PIEZO1: variants seen among roughly 807,000 people sequenced by gnomAD.
PIEZO1 encodes piezo type mechanosensitive ion channel component 1 (Er blood group).
A neutral mutation model predicts 297.2 loss-of-function variants in PIEZO1; 296 were observed. The ratio of observed to expected loss-of-function variants is 1.00; its 90% confidence interval spans 0.91 to 1.10. The LOEUF is 1.10. Among genes scored for constraint, PIEZO1 ranks in the 50% least tolerant of loss-of-function variants. PIEZO1 has a pLI of 0.00. For synonymous variants in PIEZO1, 2,427 were observed against 1,507.5 expected (o/e 1.61, Z -14.13); for missense variants, 5,018 against 3,455.5 (o/e 1.45, Z -11.34).
Position 88,720,644 on chromosome 16 carries a change from G to C in PIEZO1, c.5773C>G (p.Arg1925Gly). ...GACAGGCAGAAGCCCTGCAGCCGCC[G>C]CCCGGCCGCCCTTACTCTTCCTCCA... ...RSGGRVRAAG[R>G]RLQGFCLSLA... Residue 1925 changes from arginine (R) to glycine (G), a missense_variant, in exon 40 of 51, where the codon CGG becomes GGG. Transcript: ENST00000301015. The C allele has an allele frequency of 6.5e-7, 1 of 1,536,080 alleles. No individual in the cohort carries two copies. Among genetic ancestry groups the C allele is most frequent in the Non-Finnish European group, 8.8e-7 (1 of 1,140,620 alleles).
rs58273686 is a variant in PIEZO1, at chr16:88,733,266, G to A, written c.2664+12C>T. On this transcript the variant is annotated intron_variant, in intron 19 of 50. Transcript: ENST00000301015. Reference sequence around the variant, plus strand: ...GGAGCTTCCTCCCGTCCCAGCCCTCGGGGGCCGGTACCTCGGTGCAGTTGC... The same window carrying A: ...GGAGCTTCCTCCCGTCCCAGCCCTCAGGGGCCGGTACCTCGGTGCAGTTGC... The A allele has an allele frequency of 7.5e-5, 115 of 1,534,316 alleles. No homozygotes were observed. The Middle Eastern group carries it at 1.0e-3, about 14-fold the overall frequency.
In PIEZO1 at chr16:88,721,852, T is replaced by G; in HGVS notation, c.5170A>C (p.Arg1724=). 1 of 1,549,450 alleles carries G rather than the reference T, an allele frequency of 6.5e-7. No individual in the cohort carries two copies. The highest frequency in any genetic ancestry group is 8.7e-7 in the Non-Finnish European group (1 of 1,146,700). ...GTCATCCAGAAGCGCTTGCTGGGCC[T>G]CGGGATCGACAGCATGGCCCACAGG... ...VFLWAMLSIP[R]PSKRFWMTAI... Residue 1724 remains arginine, a synonymous_variant, in exon 37 of 51, where the codon AGG becomes CGG. Coordinates refer to ENST00000301015, the MANE Select transcript of PIEZO1 (RefSeq NM_001142864.4).
At chr16:88,751,223 G>A (rs770464561) in intron 1 of PIEZO1, among the ~76,000 whole-genome samples, 1 of 152,170 alleles carries the variant, frequency 6.6e-6, no homozygotes, top group Non-Finnish European at 1.5e-5. Context: ...TAGAGGAGGC[G>A]CAGGGCAGAG....
chr16:88,735,155 T>TCC lies in PIEZO1; in HGVS notation c.1647_1648dup (p.Glu550GlyfsTer24), dbSNP rs1567673227. The TCC allele has an allele frequency of 6.5e-7, 1 of 1,550,218 alleles. No homozygotes were observed. Among genetic ancestry groups the TCC allele is most frequent in the Admixed American group, 2.0e-5 (1 of 51,010 alleles). ...CTCACCTGTGTCTGCCACGGTGACCTCCGTCAGCGCAGCTGGAGACTCTGC... is the reference window on the plus strand; with the variant it reads ...CTCACCTGTGTCTGCCACGGTGACCTCCCCGTCAGCGCAGCTGGAGACTCTGC... On this transcript the variant is annotated frameshift_variant, in exon 13 of 51. Transcript: ENST00000301015. LOFTEE classifies it high-confidence loss of function.
intron 1 of PIEZO1, among the ~76,000 whole-genome samples, chr16:88,764,431 G>C (rs1041141993): frequency 6.6e-6 from 1 of 152,138 alleles, no homozygotes; most frequent in Non-Finnish European, 1.5e-5. Flanking sequence ...ACATGAACGT[G>C]CTCTCCAGGC....
In PIEZO1 at chr16:88,726,702, G is replaced by C. The variant is rs1392377437; in HGVS notation, c.3699+13C>G. On this transcript the variant is annotated intron_variant, in intron 25 of 50. Coordinates refer to ENST00000301015, the MANE Select transcript of PIEZO1 (RefSeq NM_001142864.4). ...GCCCCAGGGCGGTGGGTGCGGGGGG[G>C]CCGGAGGCTCACCGACAGCATGTTC... is the stretch of plus-strand genomic sequence containing the variant. 2 of 1,403,614 alleles carry C rather than the reference G, an allele frequency of 1.4e-6. No homozygotes were observed. The highest frequency in any genetic ancestry group is 1.2e-5 in the South Asian group (1 of 80,578). The allele number at this position is 1,403,614 out of a possible 1,614,324, so 86.9% of individuals were successfully genotyped here.
chr16:88,767,379 C>T (rs569304876), intron 1 of PIEZO1, among the ~76,000 whole-genome samples: 1 of 152,276 alleles, frequency 6.6e-6, no homozygotes, highest in South Asian at 2.1e-4. Flanking sequence ...CAGGCCCCCA[C>T]AGCCCAGAGC....
rs1345917506 is a variant in PIEZO1, at chr16:88,716,251, T to A, written c.7076A>T (p.Tyr2359Phe). The change falls in exon 49 of 51, where the codon TAC becomes TTC. Residue 2359 changes from tyrosine to phenylalanine, a missense_variant. Coordinates refer to ENST00000301015, the MANE Select transcript of PIEZO1 (RefSeq NM_001142864.4). ...TTCGGGCCCGTTGGGGGCACGGATGTACTTGGGGAAGAGATTAGGGATGAC... is the reference window on the plus strand; with the variant it reads ...TTCGGGCCCGTTGGGGGCACGGATGAACTTGGGGAAGAGATTAGGGATGAC... ...SVVIPNLFPK[Y>F]IRAPNGPEAN... is the part of the protein sequence containing the mutation. 2 of 1,494,378 alleles carry A rather than the reference T, an allele frequency of 1.3e-6. No individual in the cohort carries two copies. Among genetic ancestry groups the A allele is most frequent in the Non-Finnish European group, 9.0e-7 (1 of 1,116,690 alleles). The allele number at this position is 1,494,378 out of a possible 1,614,324, so 92.6% of individuals were successfully genotyped here.
In PIEZO1 at chr16:88,727,208, G is replaced by T; in HGVS notation, c.3302-16C>A. 6.6e-7 allele frequency: 1 copy of T among 1,523,374 alleles called. No individual in the cohort carries two copies. Among genetic ancestry groups the T allele is most frequent in the East Asian group, 2.5e-5 (1 of 40,456 alleles). The allele number at this position is 1,523,374 out of a possible 1,614,324, so 94.4% of individuals were successfully genotyped here. On this transcript the variant is annotated splice_polypyrimidine_tract_variant and intron_variant, in intron 23 of 50. Transcript: ENST00000301015. ...AGAAAGTCGCCTGCAGGACACAGGA[G>T]CCGCCGCTGTGCCACACGGGGACCC... is the stretch of plus-strand genomic sequence containing the variant.
chr16:88,716,480 G>C lies in PIEZO1; in HGVS notation c.6930C>G (p.Asp2310Glu). The C allele has an allele frequency of 6.5e-7, 1 of 1,546,326 alleles. No homozygotes were observed. The highest frequency in any genetic ancestry group is 8.7e-7 in the Non-Finnish European group (1 of 1,144,612). Residue 2310 changes from aspartate (D) to glutamate (E), a missense_variant, in exon 48 of 51, where the codon GAC becomes GAG. Transcript: ENST00000301015. ...ACTCCACAGTGCCTCCCTTCGCCAG[G>C]TCCCTGGGGGTGGGAACACAGCGTG... ...TLRFTWNFQR[D>E]LAKGGTVEYA...
At position 88,735,154 on chromosome 16, in the gene PIEZO1, C is replaced by T. The variant is rs981014895; in HGVS notation, c.1650G>A (p.Glu550=). The change falls in exon 13 of 51, where the codon GAG becomes GAA. Residue 550 remains glutamate, a synonymous_variant. Transcript: ENST00000301015. ...KWAESPAALT[E]VTVADTEPTR... ...ACTCACCTGTGTCTGCCACGGTGAC[C>T]TCCGTCAGCGCAGCTGGAGACTCTG... is the stretch of plus-strand genomic sequence containing the variant. 4 of 1,550,130 alleles carry T rather than the reference C, an allele frequency of 2.6e-6. No individual in the cohort carries two copies. The highest frequency in any genetic ancestry group is 2.0e-5 in the Admixed American group (1 of 50,996).
At chr16:88,745,724 G>A (rs1337757306) in intron 2 of PIEZO1, 1 of 148,030 alleles carries the variant, frequency 6.8e-6, no homozygotes, top group African/African-American at 2.5e-5. Flanking sequence ...ACTCCAGCCT[G>A]GGCAACAGAA....
intron 19 of PIEZO1, 141 bp from the exon 20 acceptor site, chr16:88,732,873 C>T: frequency 1.2e-6 from 1 of 829,542 alleles, no homozygotes; most frequent in South Asian, 1.8e-5. Context: ...CTTGGAGCCA[C>T]CTTCACGGGG....
Position 88,732,418 on chromosome 16 carries a change from C to T in PIEZO1, c.2908G>A (p.Gly970Ser), listed in dbSNP as rs964534644. ...TCCTGGTCCAGCTGCTGGCGGGTGC[C>T]GCTGGCAAACACGGCCTGGGCAGGC... ...PLPAQAVFAS[G>S]TRQQLDQDLL... Residue 970 changes from glycine (G) to serine (S), a missense_variant, in exon 21 of 51, where the codon GGC (glycine) becomes AGC (serine). Gly to Ser is a moderately conservative substitution (Grantham distance 56). Transcript: ENST00000301015. The T allele has an allele frequency of 1.7e-5, 27 of 1,549,758 alleles. No homozygotes were observed. Among genetic ancestry groups the T allele is most frequent in the Admixed American group, 7.8e-5 (4 of 50,990 alleles).
At position 88,734,414 on chromosome 16, in the gene PIEZO1, G is replaced by A; in HGVS notation, c.2122C>T (p.Leu708Phe). Residue 708 changes from leucine to phenylalanine, a missense_variant, in exon 16 of 51, where the codon CTC becomes TTC. Physicochemically the swap from Leu to Phe is conservative, Grantham distance 22. Transcript: ENST00000301015. ...LHYFHRPFMQ[L>F]TDMEHVSLPG... is the part of the protein sequence containing the mutation. ...AGGGACACGTGCTCCATGTCGGTGAGCTGCATGAAGGGCCTGTGGAAGTAG... is the reference window on the plus strand; with the variant it reads ...AGGGACACGTGCTCCATGTCGGTGAACTGCATGAAGGGCCTGTGGAAGTAG... The A allele has an allele frequency of 1.9e-6, 3 of 1,549,738 alleles. No homozygotes were observed. The highest frequency in any genetic ancestry group is 2.6e-6 in the Non-Finnish European group (3 of 1,146,594).
At chr16:88,749,867 A>C (rs944844645) in intron 1 of PIEZO1, among the ~76,000 whole-genome samples, 2 of 151,732 alleles carry the variant, frequency 1.3e-5, no homozygotes, top group African/African-American at 2.4e-5. Context: ...GTCTCCACCG[A>C]AAATACAAAA....
intron 22 of PIEZO1, among the ~76,000 whole-genome samples, chr16:88,730,014 G>T (rs918089118): frequency 1.3e-5 from 2 of 152,276 alleles, no homozygotes; most frequent in African/African-American, 4.8e-5. Context: ...AGAAGAAGGG[G>T]AGCTGGCCTA....
intron 1 of PIEZO1, among the ~76,000 whole-genome samples, chr16:88,777,247 C>T (rs556756211): frequency 2.6e-5 from 4 of 152,326 alleles, no homozygotes; most frequent in Non-Finnish European, 5.9e-5. Flanking sequence ...CTGGGATTAC[C>T]GGCGTGAGCC....
chr16:88,721,616 G>T lies in PIEZO1; in HGVS notation c.5325C>A (p.Gly1775=). The change falls in exon 38 of 51, where the codon GGC becomes GGA. Residue 1775 remains glycine, a synonymous_variant. Transcript: ENST00000301015. The part of the protein sequence containing the change: ...NKPYFPPRIL[G]LEKTDGYIKY... ...TGATGTAGCCGTCAGTCTTCTCCAG[G>T]CCCAGGATGCGGGGCGGGAAGTAGG... 1.3e-6 allele frequency: 2 copies of T among 1,550,240 alleles called. No individual in the cohort carries two copies. Among genetic ancestry groups the T allele is most frequent in the East Asian group, 2.4e-5 (1 of 40,916 alleles).
Sources: gnomAD v4.1 joint callset for allele counts (sites outside exome capture counted in the v4.1 genomes callset) on GRCh38, gnomAD v4.1.1 for gene constraint, MANE v1.5 for transcripts, NCBI Gene and HGNC (gene_info 2026-07-23, HGNC 2026-07-21) for gene names.